Variants in AXIN1 observed in about 807,000 individuals in gnomAD.
The protein encoded by AXIN1 is axin-1.
A neutral mutation model predicts 76.4 loss-of-function variants in AXIN1; 30 were observed. That is an observed-to-expected ratio of 0.39 (90% CI 0.29 to 0.53). The LOEUF is 0.53. Ranked by LOEUF, AXIN1 falls within the 20% of genes least tolerant of loss-of-function variation. AXIN1 has a pLI of 0.66. For missense variants in AXIN1, 1,140 were observed against 1,198.8 expected (o/e 0.95, Z 0.72); for synonymous variants, 545 against 501.4 (o/e 1.09, Z -1.16).
intron 4 of AXIN1, among the ~76,000 whole-genome samples, chr16:305,239 G>T (rs1042895284): frequency 6.6e-6 from 1 of 152,200 alleles, no homozygotes; most frequent in Non-Finnish European, 1.5e-5. Context: ...AAGCAGAGGC[G>T]AGCAGATTAC....
At chr16:298,278 C>T (rs1040609642) in intron 5 of AXIN1, 27 bp from the exon 6 acceptor site, 8 of 1,537,280 alleles carry the variant, frequency 5.2e-6, no homozygotes, top group Non-Finnish European at 6.1e-6. Flanking sequence ...AGCACCATCA[C>T]CTCTCAGCAC....
At chr16:296,891 G>A (rs1346101554) in intron 7 of AXIN1, among the ~76,000 whole-genome samples, 165 bp downstream of exon 7, 1 of 152,166 alleles carries the variant, frequency 6.6e-6, no homozygotes, top group Non-Finnish European at 1.5e-5. Flanking sequence ...GGGGCCCAGG[G>A]AGCCTGCTGG....
In AXIN1 at chr16:346,493, T is replaced by A. The variant is rs2141703900; in HGVS notation, c.533A>T (p.Asp178Val). Residue 178 changes from aspartate (D) to valine (V), a missense_variant, in exon 2 of 11, where the codon GAT becomes GTT. This residue lies in a region of AXIN1 where 708 missense variants were observed against 776.9 expected (regional missense o/e 0.91). Transcript: ENST00000262320. Reference protein sequence around the residue: ...IKGCIMKQLIDPAMFDQAQTE... With the variant: ...IKGCIMKQLIVPAMFDQAQTE... ...CTGGGCCTGGTCAAACATGGCAGGA[T>A]CGATCAGCTGCTTCATGATGCAGCC... 6.2e-7 allele frequency: 1 copy of A among 1,614,166 alleles called. No individual in the cohort carries two copies. The highest frequency in any genetic ancestry group is 1.7e-5 in the Admixed American group (1 of 60,026).
intron 5 of AXIN1, among the ~76,000 whole-genome samples, chr16:302,223 G>A (rs901555499): frequency 6.6e-6 from 1 of 152,238 alleles, no homozygotes; most frequent in African/African-American, 2.4e-5. Context: ...CTAGGTTCCC[G>A]ATATTGGAGG....
intron 2 of AXIN1, among the ~76,000 whole-genome samples, chr16:336,107 C>T (rs1308290596): frequency 4.6e-5 from 7 of 152,136 alleles, no homozygotes; most frequent in Admixed American, 3.9e-4. Flanking sequence ...TGGTGATGCA[C>T]GCCTGTAATC....
intron 2 of AXIN1, among the ~76,000 whole-genome samples, chr16:329,192 G>A (rs529620353): frequency 1.2e-3 from 179 of 147,320 alleles, no homozygotes; most frequent in African/African-American, 4.1e-3. Context: ...CAGGAGAATC[G>A]CTTGAACCCA....
At chr16:296,694 G>A (rs990085521) in intron 7 of AXIN1, among the ~76,000 whole-genome samples, 2 of 152,208 alleles carry the variant, frequency 1.3e-5, no homozygotes, top group Admixed American at 6.5e-5. Context: ...TGGGCACCTC[G>A]GGAGTGATGG....
At chr16:332,736 A>G (rs2053720766) in intron 2 of AXIN1, among the ~76,000 whole-genome samples, 1 of 152,002 alleles carries the variant, frequency 6.6e-6, no homozygotes, top group South Asian at 2.1e-4. Flanking sequence ...AATGTATTGA[A>G]AAGATATGAA....
At chr16:342,842 G>A (rs1223026779) in intron 2 of AXIN1, among the ~76,000 whole-genome samples, 1 of 152,264 alleles carries the variant, frequency 6.6e-6, no homozygotes, top group Non-Finnish European at 1.5e-5. Context: ...CAAAGCAAAG[G>A]TGCCAGGCCC....
chr16:334,869 C>T (rs2053771381), intron 2 of AXIN1, among the ~76,000 whole-genome samples: 2 of 152,156 alleles, frequency 1.3e-5, no homozygotes, highest in Admixed American at 1.3e-4. Context: ...TTACACAGCA[C>T]CCAGTACCAT....
At chr16:332,325 C>T (rs2053707619) in intron 2 of AXIN1, among the ~76,000 whole-genome samples, 1 of 151,512 alleles carries the variant, frequency 6.6e-6, no homozygotes, top group South Asian at 2.1e-4. Flanking sequence ...CGCCTGTAAT[C>T]CCAGCACTTT....
intron 5 of AXIN1, 122 bp from the exon 6 acceptor site, chr16:298,373 G>A (rs2052777509): frequency 2.3e-6 from 3 of 1,294,418 alleles, no homozygotes; most frequent in East Asian, 2.5e-5. Flanking sequence ...GGTGGCCGGG[G>A]GCCCCTCGCC....
chr16:329,528 C>T lies in AXIN1; in HGVS notation c.879-14845G>A, dbSNP rs531519117. On this transcript the variant is annotated intron_variant, in intron 2 of 10. Transcript: ENST00000262320. Reference sequence around the variant, plus strand: ...TGGCGTGATCTTGGCTCAATGCATCCTCCGCCTCCCGGGCTCAAGCAATTC... The same window carrying T: ...TGGCGTGATCTTGGCTCAATGCATCTTCCGCCTCCCGGGCTCAAGCAATTC... Among the ~76,000 whole-genome samples the T allele has an allele frequency of 1.1e-4, 17 of 152,206 alleles. 1 individual carries two copies. In the East Asian group the frequency reaches 3.3e-3, roughly 30 times the overall value.
At chr16:337,633 C>T (rs150674007) in intron 2 of AXIN1, among the ~76,000 whole-genome samples, 1 of 152,362 alleles carries the variant, frequency 6.6e-6, no homozygotes, top group East Asian at 1.9e-4. Context: ...CCCGGACGCC[C>T]AGCTACCCGG....
chr16:293,613 G>A lies in AXIN1; in HGVS notation c.2061C>T (p.His687=), dbSNP rs1416784993. 7.4e-6 allele frequency: 12 copies of A among 1,613,292 alleles called. No homozygotes were observed. The highest frequency in any genetic ancestry group is 3.3e-5 in the South Asian group (3 of 91,074). The change falls in exon 8 of 11, where the codon CAC becomes CAT. Residue 687 remains histidine (H), a synonymous_variant. Coordinates refer to ENST00000262320, the MANE Select transcript of AXIN1 (RefSeq NM_003502.4). This position sits in a 1 kb window ranked among gnomAD's most constrained non-coding sequence, Gnocchi z 4.6. ...GCATGGTGGGGTCTTGGATGAAGAGGTGGGAGGGCTGCACGGAGGTCCGGA... is the reference window on the plus strand; with the variant it reads ...GCATGGTGGGGTCTTGGATGAAGAGATGGGAGGGCTGCACGGAGGTCCGGA... ...PQLRTSVQPS[H]LFIQDPTMPP...
chr16:346,934 T>A lies in AXIN1; in HGVS notation c.92A>T (p.Glu31Val), dbSNP rs1479437959. ...GGGCCTCGGGTCTGTGGACACCAGT[T>A]CTCCCTCCTCACCAGGCACTGGGGG... ...PRPPVPGEEG[E>V]LVSTDPRPAS... Residue 31 changes from glutamate (E) to valine (V), a missense_variant, in exon 2 of 11, where the codon GAA (glutamate) becomes GTA (valine). Transcript: ENST00000262320. The A allele has an allele frequency of 6.2e-7, 1 of 1,614,194 alleles. No individual in the cohort carries two copies. The highest frequency in any genetic ancestry group is 1.7e-5 in the Admixed American group (1 of 60,028).
Position 323,776 on chromosome 16 carries a change from C to CCACACACA in AXIN1, c.879-9101_879-9094dup, listed in dbSNP as rs10673343. On this transcript the variant is annotated intron_variant, in intron 2 of 10. Coordinates refer to ENST00000262320, the MANE Select transcript of AXIN1 (RefSeq NM_003502.4). ...GCCTGGGCAACAGAGTGAGACTCCA[C>CCACACACA]CACACACACACACACACACACACAC... Among the ~76,000 whole-genome samples the CCACACACA allele has an allele frequency of 7.8e-3, 1,157 of 148,376 alleles. 18 individuals carry two copies. The highest frequency in any genetic ancestry group is 0.027 in the African/African-American group (1,097 of 40,228).
intron 4 of AXIN1, 151 bp from the exon 5 acceptor site, chr16:304,592 T>C (rs1346274979): frequency 6.3e-6 from 8 of 1,260,338 alleles, no homozygotes; most frequent in South Asian, 2.8e-5. Context: ...TGGAGTGCAA[T>C]GGCGTGATCT....
chr16:331,594 C>T (rs1436616279), intron 2 of AXIN1, among the ~76,000 whole-genome samples: 4 of 152,306 alleles, frequency 2.6e-5, no homozygotes, highest in Non-Finnish European at 5.9e-5. Flanking sequence ...ATCTATCAAA[C>T]ACTCCTATCA....
Sources: gnomAD v4.1 joint callset for allele counts (sites outside exome capture counted in the v4.1 genomes callset) on GRCh38, gnomAD v4.1.1 for gene constraint, gnomAD v4.1.1 regional missense constraint, Gnocchi (gnomAD v3.1) non-coding constraint, MANE v1.5 for transcripts, NCBI Gene and HGNC (gene_info 2026-07-23, HGNC 2026-07-21) for gene names.